CALD1: variants seen among roughly 807,000 people sequenced by gnomAD.
CALD1 encodes caldesmon.
In CALD1, 33 loss-of-function variants were observed where a neutral mutation model predicts 99.9. The ratio of observed to expected loss-of-function variants is 0.33; its 90% CI spans 0.25 to 0.44. The LOEUF (loss-of-function observed/expected upper bound fraction) is 0.44, where lower values mean the gene tolerates loss of function less well. Among genes scored for constraint, CALD1 ranks in the 20% least tolerant of loss-of-function variants. The pLI, the probability that CALD1 is intolerant of heterozygous loss-of-function variation, is 1.00. For missense variants in CALD1, 861 were observed against 962.1 expected (o/e 0.89, Z 1.39); for synonymous variants, 310 against 325.0 (o/e 0.95, Z 0.50).
intron 3 of CALD1, among the ~76,000 whole-genome samples, chr7:134,882,212 C>T (rs915172367): frequency 6.6e-6 from 1 of 152,176 alleles, no homozygotes; most frequent in African/African-American, 2.4e-5. Flanking sequence ...TAGTGACACT[C>T]GTTGTGTCTT....
intron 3 of CALD1, among the ~76,000 whole-genome samples, chr7:134,896,650 G>A (rs979404432): frequency 6.6e-6 from 1 of 152,142 alleles, no homozygotes; most frequent in African/African-American, 2.4e-5. Flanking sequence ...CAAACCTATT[G>A]AACAGCAATT....
the CALD1 span, among the ~76,000 whole-genome samples, chr7:134,719,721 C>T: frequency 2.0e-5 from 3 of 151,896 alleles, no homozygotes; most frequent in African/African-American, 4.8e-5. Context: ...TGTGTGTGTG[C>T]AAAAAAGAGC....
At chr7:134,741,564 T>C (rs527362433), upstream of CALD1, among the ~76,000 whole-genome samples, 1 of 152,164 alleles carries the variant, frequency 6.6e-6, no homozygotes, top group African/African-American at 2.4e-5. Flanking sequence ...AACAAAGCTA[T>C]AGAAAGAACC....
intron 2 of CALD1, among the ~76,000 whole-genome samples, chr7:134,858,797 T>C (rs1800432774): frequency 6.6e-6 from 1 of 152,130 alleles, no homozygotes; most frequent in Non-Finnish European, 1.5e-5. Flanking sequence ...CTCAATCCCC[T>C]GACCTTGTGA....
intron 2 of CALD1, among the ~76,000 whole-genome samples, chr7:134,850,072 C>G (rs1330644081): frequency 1.3e-5 from 2 of 152,174 alleles, no homozygotes; most frequent in African/African-American, 4.8e-5. Context: ...AGCTTATTTT[C>G]TAAAGTGAAC....
intron 3 of CALD1, among the ~76,000 whole-genome samples, chr7:134,928,428 CAAAAAAAAAAAAAA>C (rs11355152): frequency 1.1e-4 from 6 of 55,652 alleles, no homozygotes; most frequent in African/African-American, 3.7e-4. Flanking sequence ...GACTGGGTCT[CAAAAAAAAAAAAAA>C]AAAAAAAAAA....
At chr7:134,923,890 C>T (rs1237958267) in intron 3 of CALD1, among the ~76,000 whole-genome samples, 1 of 152,038 alleles carries the variant, frequency 6.6e-6, no homozygotes, top group African/African-American at 2.4e-5. Flanking sequence ...AGAAGTTTTC[C>T]TAAGTAAATA....
the CALD1 span, among the ~76,000 whole-genome samples, chr7:134,721,913 A>G: frequency 6.6e-6 from 1 of 152,172 alleles, no homozygotes; most frequent in African/African-American, 2.4e-5. Flanking sequence ...CGCAGTCTCA[A>G]TACTTTGTGA....
At chr7:134,888,664 A>G (rs1190648385) in intron 3 of CALD1, among the ~76,000 whole-genome samples, 2 of 152,172 alleles carry the variant, frequency 1.3e-5, no homozygotes, top group Non-Finnish European at 2.9e-5. Flanking sequence ...TGTCTGAACC[A>G]GGTCCAAGAC....
chr7:134,743,745 GT>G (rs1413058943), upstream of CALD1, among the ~76,000 whole-genome samples: 2 of 152,158 alleles, frequency 1.3e-5, no homozygotes, highest in Non-Finnish European at 2.9e-5. Flanking sequence ...TCTAACTTCT[GT>G]CCACTTTTTG....
intron 1 of CALD1, among the ~76,000 whole-genome samples, chr7:134,843,495 T>TA (rs1563038724): frequency 6.6e-6 from 1 of 152,250 alleles, no homozygotes; most frequent in Non-Finnish European, 1.5e-5. Flanking sequence ...TGGACATACA[T>TA]AGACACTACA....
In CALD1 at chr7:134,843,930, T is replaced by C. The variant is rs1185333462; in HGVS notation, c.-83T>C. 3.3e-5 allele frequency: 5 copies of C among 152,200 alleles called. No individual in the cohort carries two copies. Among genetic ancestry groups the C allele is most frequent in the African/African-American group, 1.2e-4 (5 of 41,454 alleles). The allele number at this position is 152,200 out of a possible 1,614,324, so 9.4% of individuals were successfully genotyped here. On this transcript the variant is annotated 5_prime_UTR_variant, in exon 2 of 15. Coordinates refer to ENST00000361675, the MANE Select transcript of CALD1 (RefSeq NM_033138.4). ...ATCATCAAATCAAATTCCACAGGGA[T>C]TGGTGACCAACCAGAAGGCTCAGAC... is the stretch of plus-strand genomic sequence containing the variant.
At chr7:134,923,840 T>TTA (rs1804790768) in intron 3 of CALD1, among the ~76,000 whole-genome samples, 4 of 152,214 alleles carry the variant, frequency 2.6e-5, no homozygotes. Flanking sequence ...ATGAGCATAC[T>TTA]CTTAAACTCG....
intron 1 of CALD1, among the ~76,000 whole-genome samples, chr7:134,789,523 C>A (rs1323335213): frequency 6.6e-6 from 1 of 152,198 alleles, no homozygotes; most frequent in African/African-American, 2.4e-5. Flanking sequence ...GATTTCTCCT[C>A]CACTTTGTAG....
intron 3 of CALD1, chr7:134,927,931 ATATT>A (rs150279120): frequency 0.014 from 2,080 of 147,222 alleles, 35 homozygotes; most frequent in African/African-American, 0.05. Context: ...TTATTTAATA[ATATT>A]TATTATAATA....
At chr7:134,929,646 G>GTATATA (rs1159515485) in intron 4 of CALD1, among the ~76,000 whole-genome samples, 177 of 7,736 alleles carry the variant, frequency 0.023, 11 homozygotes, top group East Asian at 0.059. Context: ...GTGTGTGTGT[G>GTATATA]TATATATATA....
At chr7:134,711,680 A>ATATATGTGTGTG in the CALD1 span, among the ~76,000 whole-genome samples, 3 of 109,588 alleles carry the variant, frequency 2.7e-5, no homozygotes, top group African/African-American at 1.2e-4. Flanking sequence ...ATATATATAT[A>ATATATGTGTGTG]TGTGTGTGTG....
intron 2 of CALD1, among the ~76,000 whole-genome samples, chr7:134,849,886 A>G (rs867826826): frequency 6.6e-6 from 1 of 152,194 alleles, no homozygotes; most frequent in Non-Finnish European, 1.5e-5. Context: ...TGGTTTTCCA[A>G]GAAGGCCTCT....
intron 1 of CALD1, among the ~76,000 whole-genome samples, chr7:134,744,619 AAATTAAAGTAAGCT>A: frequency 6.6e-6 from 1 of 152,220 alleles, no homozygotes; most frequent in South Asian, 2.1e-4. Context: ...AAACCAAGAA[AAATTAAAGTAAGCT>A]AATTAAAGTA....
Sources: allele counts gnomAD v4.1 joint callset (sites outside exome capture counted in the v4.1 genomes callset), GRCh38; gene constraint gnomAD v4.1.1; transcripts MANE v1.5; gene names NCBI Gene and HGNC (gene_info 2026-07-23, HGNC 2026-07-21).